Variants in RBFOX3 observed in about 807,000 individuals in gnomAD.
The protein encoded by RBFOX3 is RNA binding protein fox-1 homolog 3.
RBFOX3 carries 17 observed loss-of-function variants against 48.7 expected under a neutral mutation model. That is an observed-to-expected ratio of 0.35 (90% confidence interval 0.24 to 0.52). The LOEUF is 0.52. Among genes scored for constraint, RBFOX3 ranks in the 20% least tolerant of loss-of-function variants. RBFOX3 has a pLI of 0.94. For synonymous variants in RBFOX3, 212 were observed against 209.5 expected (o/e 1.01, Z -0.10); for missense variants, 382 against 497.5 (o/e 0.77, Z 2.21).
At chr17:79,327,784 C>G (rs565782590) in intron 2 of RBFOX3, among the ~76,000 whole-genome samples, 2 of 152,292 alleles carry the variant, frequency 1.3e-5, no homozygotes, top group African/African-American at 4.8e-5. Flanking sequence ...CAACCTCCGC[C>G]TCCTGGGTTC....
At chr17:79,638,216 TAGA>T in the RBFOX3 span, among the ~76,000 whole-genome samples, 1 of 148,544 alleles carries the variant, frequency 6.7e-6, no homozygotes, top group South Asian at 2.1e-4. Flanking sequence ...TCAAATATAG[TAGA>T]AGAAGGGAAA....
the RBFOX3 span, among the ~76,000 whole-genome samples, chr17:79,656,612 GGAAAGAAAGGAAGAGAA>G: frequency 0.079 from 8,985 of 114,106 alleles, 472 homozygotes; most frequent in East Asian, 0.19. Context: ...AGCCAAGAAA[GGAAAGAAAGGAAGAGAA>G]GAAAGAAAGG....
At chr17:79,394,423 C>A (rs1160623782) in intron 2 of RBFOX3, among the ~76,000 whole-genome samples, 2 of 152,114 alleles carry the variant, frequency 1.3e-5, no homozygotes, top group Non-Finnish European at 2.9e-5. Flanking sequence ...AGGTGGGGTT[C>A]ATCTTACCCC....
chr17:79,255,215 A>ATGTGTGTGTGTGTG (rs1491568643), intron 3 of RBFOX3, among the ~76,000 whole-genome samples: 9 of 128,800 alleles, frequency 7.0e-5, no homozygotes, highest in Non-Finnish European at 1.1e-4. Flanking sequence ...CTGTGGTCAC[A>ATGTGTGTGTGTGTG]TGTGTGCGTG....
At chr17:79,465,656 C>T (rs546367931) in intron 2 of RBFOX3, among the ~76,000 whole-genome samples, 47 of 152,352 alleles carry the variant, frequency 3.1e-4, no homozygotes, top group South Asian at 1.7e-3. Flanking sequence ...TTTGCCTCAG[C>T]CTCGGAGGAG....
In RBFOX3 at chr17:79,278,361, A is replaced by G. The variant is rs558041047; in HGVS notation, c.-74+29363T>C. On this transcript the variant is annotated intron_variant, in intron 3 of 14. Coordinates refer to ENST00000693108, the MANE Select transcript of RBFOX3 (RefSeq NM_001350451.2). Reference sequence around the variant, plus strand: ...CTGGTACCCCAGAAGAGGGACCCCGATGCCAAGCTCTTGGTGTCACCCTGC... The same window carrying G: ...CTGGTACCCCAGAAGAGGGACCCCGGTGCCAAGCTCTTGGTGTCACCCTGC... Among the ~76,000 whole-genome samples, 5 of 152,308 alleles carry G rather than the reference A, an allele frequency of 3.3e-5. No individual in the cohort carries two copies. The South Asian group carries it at 1.0e-3, about 32-fold the overall frequency.
intron 2 of RBFOX3, among the ~76,000 whole-genome samples, chr17:79,478,921 G>A (rs1033533467): frequency 6.6e-6 from 1 of 152,204 alleles, no homozygotes; most frequent in African/African-American, 2.4e-5. Context: ...CCTTTCCGAG[G>A]CAGAGGCAAT....
chr17:79,232,731 G>T (rs1289127081), intron 4 of RBFOX3, among the ~76,000 whole-genome samples: 1 of 152,186 alleles, frequency 6.6e-6, no homozygotes, highest in Non-Finnish European at 1.5e-5. Flanking sequence ...TAGCAAAGAA[G>T]ACATAATAAA....
chr17:79,489,206 G>T (rs1246559415), intron 1 of RBFOX3, among the ~76,000 whole-genome samples: 1 of 145,542 alleles, frequency 6.9e-6, no homozygotes, highest in African/African-American at 2.6e-5. Flanking sequence ...TGCAGAGAGC[G>T]GAACATTTTA....
chr17:79,382,122 C>A lies in RBFOX3; in HGVS notation c.-174-74298G>T, dbSNP rs368112708. Among the ~76,000 whole-genome samples, 18 of 152,314 alleles carry A rather than the reference C, an allele frequency of 1.2e-4. 1 individual carries two copies. The highest frequency in any genetic ancestry group is 8.5e-4 in the Admixed American group (13 of 15,298). On this transcript the variant is annotated intron_variant, in intron 2 of 14. Transcript: ENST00000693108. ...AGACCGTGCTGGGCTTCAGATCTCA[C>A]CCTGGGGTGGCCTAGCCATACCCAG... is the stretch of plus-strand genomic sequence containing the variant.
chr17:79,247,243 G>A (rs2063301370), intron 3 of RBFOX3, among the ~76,000 whole-genome samples: 1 of 151,744 alleles, frequency 6.6e-6, no homozygotes, highest in Non-Finnish European at 1.5e-5. Flanking sequence ...GATACAGCCA[G>A]CTCATCTCCC....
chr17:79,181,778 C>T (rs533487581), intron 4 of RBFOX3, among the ~76,000 whole-genome samples: 1 of 152,328 alleles, frequency 6.6e-6, no homozygotes, highest in African/African-American at 2.4e-5. Flanking sequence ...TTGTAACGGG[C>T]TGACCCAAGT....
At chr17:79,192,820 C>A (rs1462221724) in intron 4 of RBFOX3, among the ~76,000 whole-genome samples, 1 of 152,176 alleles carries the variant, frequency 6.6e-6, no homozygotes. Context: ...TGATGGCCAC[C>A]TTTTACCAAA....
At chr17:79,184,343 C>T (rs2052953906) in intron 4 of RBFOX3, among the ~76,000 whole-genome samples, 1 of 152,180 alleles carries the variant, frequency 6.6e-6, no homozygotes, top group Admixed American at 6.5e-5. Flanking sequence ...CTCCCTGTAC[C>T]CAGACACACT....
chr17:79,236,909 G>T (rs973521128), intron 3 of RBFOX3, among the ~76,000 whole-genome samples: 26 of 152,152 alleles, frequency 1.7e-4, no homozygotes, highest in East Asian at 5.8e-4. Flanking sequence ...CTTTATTTTA[G>T]TAATGTTTCA....
chr17:79,406,275 C>T (rs1279539111), intron 2 of RBFOX3, among the ~76,000 whole-genome samples: 3 of 152,304 alleles, frequency 2.0e-5, no homozygotes, highest in Admixed American at 6.5e-5. Context: ...TCCCAGCTGC[C>T]GACAACCCTA....
intron 2 of RBFOX3, among the ~76,000 whole-genome samples, chr17:79,338,229 G>A (rs569520752): frequency 6.4e-4 from 98 of 152,186 alleles, no homozygotes; most frequent in African/African-American, 2.3e-3. Context: ...ATGAGCCACC[G>A]CGCCTGGCCT....
At chr17:79,189,826 T>A (rs966114498) in intron 4 of RBFOX3, among the ~76,000 whole-genome samples, 1 of 152,194 alleles carries the variant, frequency 6.6e-6, no homozygotes, top group Non-Finnish European at 1.5e-5. Flanking sequence ...CCTGAATGGC[T>A]TGGGAAGTTG....
chr17:79,321,161 G>A (rs577195206), intron 2 of RBFOX3, among the ~76,000 whole-genome samples: 10 of 152,302 alleles, frequency 6.6e-5, no homozygotes, highest in African/African-American at 2.4e-4. Context: ...GATGAGAACT[G>A]CAATGGGCTC....
Sources: allele counts gnomAD v4.1 joint callset (sites outside exome capture counted in the v4.1 genomes callset), GRCh38; gene constraint gnomAD v4.1.1; transcripts MANE v1.5; gene names NCBI Gene and HGNC (gene_info 2026-07-23, HGNC 2026-07-21).